ARHGAP11B: variants seen among roughly 807,000 people sequenced by gnomAD.
ARHGAP11B encodes Rho GTPase activating protein 11B.
In ARHGAP11B, 14 loss-of-function variants were observed where a neutral mutation model predicts 27.6. That is an observed-to-expected ratio of 0.51 (90% CI 0.34 to 0.79). The LOEUF (loss-of-function observed/expected upper bound fraction) is 0.79. Among genes scored for constraint, ARHGAP11B ranks in the 30% least tolerant of loss-of-function variants. The probability of loss-of-function intolerance (pLI) is 0.02; values close to 1 mark genes in which losing one functional copy is unlikely to be tolerated. For synonymous variants in ARHGAP11B, 82 were observed against 114.1 expected (o/e 0.72, Z 1.80); for missense variants, 245 against 320.1 (o/e 0.77, Z 1.79).
At chr15:30,641,513 C>G (rs1451018272) in intron 7 of ARHGAP11B, 1 of 151,568 alleles carries the variant, frequency 6.6e-6, no homozygotes, top group East Asian at 2.0e-4. Flanking sequence ...TTTTCTTTTG[C>G]ATTTTTAGTA....
chr15:30,633,465 C>T (rs1413524592), intron 2 of ARHGAP11B, 25 bp from the exon 3 acceptor site: 2 of 1,593,706 alleles, frequency 1.3e-6, no homozygotes, highest in Admixed American at 1.7e-5. Context: ...GTATGTCTAG[C>T]CACCTGAAAA....
chr15:30,634,641 C>T (rs556282795), intron 4 of ARHGAP11B, among the ~76,000 whole-genome samples: 3 of 151,966 alleles, frequency 2.0e-5, no homozygotes, highest in Non-Finnish European at 2.9e-5. Flanking sequence ...CTTAATGGTT[C>T]ATCATTGGTG....
chr15:30,631,868 C>A (rs1028031590), intron 2 of ARHGAP11B, among the ~76,000 whole-genome samples: 1 of 149,798 alleles, frequency 6.7e-6, no homozygotes, highest in Admixed American at 6.6e-5. Context: ...CTCACCGCAA[C>A]CTTCACCTCC....
At chr15:30,635,897 C>T (rs1398824864) in intron 6 of ARHGAP11B, among the ~76,000 whole-genome samples, 1 of 136,256 alleles carries the variant, frequency 7.3e-6, no homozygotes, top group East Asian at 2.0e-4. Flanking sequence ...AGGAGCCAAA[C>T]TGAACCTTCT....
chr15:30,643,149 T>C (rs2060325069), intron 7 of ARHGAP11B, among the ~76,000 whole-genome samples: 1 of 152,104 alleles, frequency 6.6e-6, no homozygotes, highest in Non-Finnish European at 1.5e-5. Context: ...ATATTCTTTT[T>C]GTTTTCTTCC....
rs571110011 is a variant in ARHGAP11B at position 30,630,769 on chromosome 15, C to T, written c.196C>T (p.Pro66Ser). 1.6e-5 allele frequency: 26 copies of T among 1,609,576 alleles called. No individual in the cohort carries two copies. In the Admixed American group the frequency reaches 3.4e-4, roughly 21 times the overall value. The stretch of plus-strand genomic sequence containing the variant: ...TGCTGTACCAGAATATGGACACATT[C>T]CAAGGTAAGCAGAGTTTGAAATGAA... Residue 66 changes from proline to serine, a missense_variant, in exon 2 of 11, where the codon CCA (proline) becomes TCA (serine). Around this residue, in one of 3 missense-constraint regions of ARHGAP11B, gnomAD observed 107 missense variants for 121.9 expected, o/e 0.88. Coordinates refer to ENST00000428041, the Ensembl canonical transcript of ARHGAP11B.
chr15:30,629,427 G>A (rs1384213852), intron 1 of ARHGAP11B, among the ~76,000 whole-genome samples: 2 of 151,962 alleles, frequency 1.3e-5, no homozygotes, highest in African/African-American at 2.4e-5. Context: ...GGTGGCGGGC[G>A]CCTGTAGTCC....
chr15:30,629,485 G>A (rs2140889520), intron 1 of ARHGAP11B, among the ~76,000 whole-genome samples: 1 of 152,100 alleles, frequency 6.6e-6, no homozygotes, highest in South Asian at 2.1e-4. Flanking sequence ...CCCGGGAGGC[G>A]GAGCTTGCAG....
chr15:30,636,316 C>T (rs1231388828), intron 6 of ARHGAP11B, among the ~76,000 whole-genome samples: 10 of 151,682 alleles, frequency 6.6e-5, no homozygotes, highest in South Asian at 4.2e-4. Flanking sequence ...GTTAGGAGTA[C>T]GAACTAAATA....
At chr15:30,638,675 A>G in intron 6 of ARHGAP11B, 71 bp from the exon 7 acceptor site, 1 of 960,232 alleles carries the variant, frequency 1.0e-6, no homozygotes, top group Non-Finnish European at 1.5e-6. Flanking sequence ...GAAGACCGCA[A>G]ATATTAATAT....
chr15:30,634,064 G>C, intron 3 of ARHGAP11B, 106 bp from the exon 4 acceptor site: 1 of 1,275,946 alleles, frequency 7.8e-7, no homozygotes, highest in South Asian at 1.4e-5. Flanking sequence ...TAAGAGTTAA[G>C]AGAAATTTAT....
exon 9 of ARHGAP11B, chr15:30,646,203 G>T: frequency 9.4e-7 from 1 of 1,066,772 alleles, no homozygotes. Flanking sequence ...GAAGAGCTCG[G>T]GGACCTCCTG....
At chr15:30,647,811 A>T (rs1310595973) in intron 10 of ARHGAP11B, 1 of 168,066 alleles carries the variant, frequency 6.0e-6, no homozygotes, top group African/African-American at 2.4e-5. Context: ...AATAATTATC[A>T]TAAATTTTTC....
intron 2 of ARHGAP11B, among the ~76,000 whole-genome samples, chr15:30,631,897 C>T (rs1158530802): frequency 6.7e-6 from 1 of 150,206 alleles, no homozygotes; most frequent in Non-Finnish European, 1.5e-5. Flanking sequence ...AGTGATTCTC[C>T]TGCCTCAGCC....
intron 1 of ARHGAP11B, among the ~76,000 whole-genome samples, chr15:30,628,683 G>A (rs2060224701): frequency 6.6e-6 from 1 of 152,022 alleles, no homozygotes; most frequent in African/African-American, 2.4e-5. Flanking sequence ...AATTCAGCTA[G>A]AAACACTTAT....
At chr15:30,630,861 C>T (rs990877467) in intron 2 of ARHGAP11B, 88 bp downstream of exon 2, 9 of 1,605,380 alleles carry the variant, frequency 5.6e-6, no homozygotes, top group African/African-American at 1.3e-5. Context: ...GGGCAGATCA[C>T]TTGAGTCCGG....
At chr15:30,646,187 C>T (rs1295286552) in exon 9 of ARHGAP11B, 1 of 1,071,030 alleles carries the variant, frequency 9.3e-7, no homozygotes, top group Non-Finnish European at 1.1e-6. Context: ...AGATCGACTC[C>T]AGTGAGAAGA....
intron 1 of ARHGAP11B, among the ~76,000 whole-genome samples, chr15:30,627,308 C>T (rs1433646265): frequency 1.3e-5 from 2 of 151,874 alleles, no homozygotes; most frequent in African/African-American, 4.8e-5. Context: ...TCAGTTGTGA[C>T]GATTAAAAAT....
At chr15:30,639,091 C>T (rs1170008048) in intron 7 of ARHGAP11B, among the ~76,000 whole-genome samples, 1 of 151,810 alleles carries the variant, frequency 6.6e-6, no homozygotes. Context: ...AATTTAGATG[C>T]TATTGAACGT....
Sources: gnomAD v4.1 joint callset for allele counts (sites outside exome capture counted in the v4.1 genomes callset) on GRCh38, gnomAD v4.1.1 for gene constraint, gnomAD v4.1.1 regional missense constraint, MANE v1.5 for transcripts, NCBI Gene and HGNC (gene_info 2026-07-23, HGNC 2026-07-21) for gene names.